FAM81A: variants seen among roughly 807,000 people sequenced by gnomAD.
The protein encoded by FAM81A is protein FAM81A.
Under a neutral mutation model 46.7 loss-of-function variants are expected in FAM81A, and 19 were observed. The ratio of observed to expected loss-of-function variants is 0.41; its 90% CI spans 0.28 to 0.60. FAM81A has a LOEUF of 0.60. FAM81A is among the 20% of genes least tolerant of loss of function. The pLI is 0.34. For synonymous variants in FAM81A, 183 were observed against 152.9 expected (o/e 1.20, Z -1.45); for missense variants, 377 against 453.5 (o/e 0.83, Z 1.53).
intron 3 of FAM81A, among the ~76,000 whole-genome samples, chr15:59,463,151 T>C (rs2081572697): frequency 6.6e-6 from 1 of 152,224 alleles, no homozygotes. Flanking sequence ...GTTTATACAC[T>C]TAGGTCTGTG....
intron 3 of FAM81A, among the ~76,000 whole-genome samples, chr15:59,477,052 G>A (rs1347899222): frequency 2.0e-5 from 3 of 151,598 alleles, no homozygotes; most frequent in East Asian, 1.9e-4. Flanking sequence ...CCCAGGAGGC[G>A]GAGGTTACAG....
intron 3 of FAM81A, among the ~76,000 whole-genome samples, chr15:59,468,384 G>T (rs2081641992): frequency 6.6e-6 from 1 of 152,086 alleles, no homozygotes; most frequent in Admixed American, 6.5e-5. Context: ...CTCAATTTTA[G>T]AGCCTGTTAC....
intron 2 of FAM81A, among the ~76,000 whole-genome samples, chr15:59,405,513 T>C (rs146226573): frequency 4.6e-5 from 7 of 152,180 alleles, no homozygotes; most frequent in African/African-American, 9.6e-5. Flanking sequence ...TGGTGGTGCA[T>C]GCCTGTAATC....
rs529948236 is a variant in FAM81A at position 59,522,652 on chromosome 15, C to T, written c.*1274C>T. ...TGTAAAAACTGACAGTGAGACACAA[C>T]GTTCTGAACTGTGAGGGTGTCCCAG... On this transcript the variant is annotated 3_prime_UTR_variant, in exon 9 of 9. Coordinates refer to ENST00000288228, the MANE Select transcript of FAM81A (RefSeq NM_152450.3). 34 of 152,508 alleles carry T rather than the reference C, an allele frequency of 2.2e-4. No homozygotes were observed. Among genetic ancestry groups the T allele is most frequent in the African/African-American group, 7.7e-4 (32 of 41,490 alleles). 9.4% of individuals were successfully genotyped at this position (152,508 alleles called of 1,614,324 possible).
chr15:59,508,523 C>T (rs2082172314), intron 5 of FAM81A, among the ~76,000 whole-genome samples: 1 of 152,018 alleles, frequency 6.6e-6, no homozygotes, highest in Admixed American at 6.6e-5. Flanking sequence ...TATGACGAGC[C>T]GTTAAACTGA....
intron 3 of FAM81A, among the ~76,000 whole-genome samples, chr15:59,486,937 T>C (rs1332533471): frequency 1.3e-5 from 2 of 151,930 alleles, no homozygotes; most frequent in Non-Finnish European, 2.9e-5. Context: ...TAAGAAATCA[T>C]CTGAAGGTAC....
At chr15:59,440,616 G>A (rs879320863) in intron 1 of FAM81A, among the ~76,000 whole-genome samples, 4 of 152,144 alleles carry the variant, frequency 2.6e-5, no homozygotes, top group Admixed American at 6.6e-5. Flanking sequence ...GACTTGTTCA[G>A]TCTTGAACAA....
chr15:59,472,190 G>T (rs1195002692), intron 3 of FAM81A, among the ~76,000 whole-genome samples: 1 of 152,036 alleles, frequency 6.6e-6, no homozygotes, highest in African/African-American at 2.4e-5. Flanking sequence ...ACCTGAGCAG[G>T]CTGGGCTGGG....
At chr15:59,458,478 TTAA>T in intron 1 of FAM81A, 69 bp from the exon 2 acceptor site, 1 of 1,048,320 alleles carries the variant, frequency 9.5e-7, no homozygotes, top group Non-Finnish European at 1.4e-6. Context: ...ACTTAGCAAC[TTAA>T]TAATAAGCTT....
chr15:59,487,685 A>G (rs1261069753), intron 3 of FAM81A, among the ~76,000 whole-genome samples: 1 of 152,070 alleles, frequency 6.6e-6, no homozygotes, highest in South Asian at 2.1e-4. Flanking sequence ...GACACATACA[A>G]CCTACCACAA....
chr15:59,468,500 G>T (rs2081643614), intron 3 of FAM81A, among the ~76,000 whole-genome samples: 1 of 152,076 alleles, frequency 6.6e-6, no homozygotes, highest in Admixed American at 6.6e-5. Flanking sequence ...TTGTGTAGAG[G>T]TGTTTATAGT....
chr15:59,502,967 T>A (rs1383020376), intron 4 of FAM81A, among the ~76,000 whole-genome samples: 1 of 151,894 alleles, frequency 6.6e-6, no homozygotes, highest in Non-Finnish European at 1.5e-5. Context: ...AAAATAAAAA[T>A]GAAGCCTGGC....
chr15:59,500,773 T>G (rs2082083140), intron 4 of FAM81A, among the ~76,000 whole-genome samples: 1 of 152,108 alleles, frequency 6.6e-6, no homozygotes. Flanking sequence ...GTTCTACCTA[T>G]TCACGTTTTC....
At chr15:59,467,084 G>A (rs1208293014) in intron 3 of FAM81A, among the ~76,000 whole-genome samples, 1 of 152,190 alleles carries the variant, frequency 6.6e-6, no homozygotes, top group Non-Finnish European at 1.5e-5. Context: ...TTTAGTACCA[G>A]TACCATGCCG....
At chr15:59,405,347 C>T (rs16941421) in intron 2 of FAM81A, among the ~76,000 whole-genome samples, 52,648 of 151,846 alleles carry the variant, frequency 0.35, 9,823 homozygotes, top group African/African-American at 0.48. Context: ...TGCCTCTTTC[C>T]GCTAAGAATT....
intron 6 of FAM81A, 36 bp from the exon 7 acceptor site, chr15:59,514,253 C>G (rs2082243888): frequency 6.6e-7 from 1 of 1,513,628 alleles, no homozygotes; most frequent in East Asian, 2.4e-5. Flanking sequence ...AAAAAATAAA[C>G]TGTTTTACAT....
chr15:59,462,283 G>A (rs1248638464), intron 3 of FAM81A, among the ~76,000 whole-genome samples: 2 of 151,328 alleles, frequency 1.3e-5, no homozygotes, highest in African/African-American at 4.9e-5. Context: ...AATGTATGAA[G>A]GTCCCAGTTT....
chr15:59,412,329 T>G (rs753322557), intron 2 of FAM81A, among the ~76,000 whole-genome samples: 22 of 152,214 alleles, frequency 1.4e-4, no homozygotes, highest in Non-Finnish European at 3.1e-4. Context: ...AGAAAAGACT[T>G]GCTGTAAAGC....
At chr15:59,487,174 A>ATATATATATATTTTATATATATAT (rs2081926698) in intron 3 of FAM81A, among the ~76,000 whole-genome samples, 7 of 5,636 alleles carry the variant, frequency 1.2e-3, no homozygotes, top group African/African-American at 5.0e-3. Flanking sequence ...GCACTCCTGA[A>ATATATATATATTTTATATATATAT]TATATATATA....
Sources: allele counts gnomAD v4.1 joint callset (sites outside exome capture counted in the v4.1 genomes callset), GRCh38; gene constraint gnomAD v4.1.1; transcripts MANE v1.5; gene names NCBI Gene and HGNC (gene_info 2026-07-23, HGNC 2026-07-21).